ADGRL2: variants seen among roughly 807,000 people sequenced by gnomAD.
ADGRL2 encodes adhesion G protein-coupled receptor L2.
Under a neutral mutation model 157.4 loss-of-function variants are expected in ADGRL2, and 44 were observed. The observed-to-expected ratio is 0.28, with a 90% CI of 0.22 to 0.36. The LOEUF (loss-of-function observed/expected upper bound fraction) is 0.36, where lower values mean the gene tolerates loss of function less well. Ranked by LOEUF, ADGRL2 falls within the 10% of genes least tolerant of loss-of-function variation. The probability of loss-of-function intolerance (pLI) is 1.00; values close to 1 mark genes in which losing one functional copy is unlikely to be tolerated. For missense variants in ADGRL2, 1,510 were observed against 1,768.9 expected, an observed-to-expected ratio of 0.85 and a Z score of 2.63; for synonymous variants, 585 against 624.7, an observed-to-expected ratio of 0.94 and a Z score of 0.95.
At chr1:81,599,178 C>T (rs964770305) in intron 3 of ADGRL2, among the ~76,000 whole-genome samples, 8 of 152,194 alleles carry the variant, frequency 5.3e-5, no homozygotes, top group Non-Finnish European at 1.2e-4. Context: ...ACTTCACTTT[C>T]CCAAGTATGC....
At chr1:81,891,566 A>T (rs1422497444) in intron 2 of ADGRL2, among the ~76,000 whole-genome samples, 1 of 152,146 alleles carries the variant, frequency 6.6e-6, no homozygotes, top group Non-Finnish European at 1.5e-5. Context: ...TTGCCAATTA[A>T]ATTGAGCATT....
At chr1:81,448,281 G>A (rs970953157) in intron 2 of ADGRL2, among the ~76,000 whole-genome samples, 1 of 150,928 alleles carries the variant, frequency 6.6e-6, no homozygotes, top group African/African-American at 2.4e-5. Context: ...GAGTAACTGG[G>A]ATTACAGGTA....
At chr1:81,973,040 C>A (rs185726266) in intron 17 of ADGRL2, among the ~76,000 whole-genome samples, 1 of 151,756 alleles carries the variant, frequency 6.6e-6, no homozygotes, top group Admixed American at 6.6e-5. Flanking sequence ...AAACGTAACA[C>A]AAATGAGCTC....
In ADGRL2 at chr1:81,398,757, AGAAG is replaced by A. The variant is rs766716725; in HGVS notation, c.-301-46278_-301-46275del. On this transcript the variant is annotated intron_variant, in intron 1 of 24. Transcript: ENST00000370721. ...CTCCTGGTCTATAAGACTTCTGCTG[AGAAG>A]TCTGCTGACAGTCTAATGGAGATTT... Among the ~76,000 whole-genome samples the A allele has an allele frequency of 1.8e-3, 270 of 152,332 alleles. 1 individual carries two copies. Among genetic ancestry groups the A allele is most frequent in the Non-Finnish European group, 2.9e-3 (194 of 68,030 alleles).
At chr1:81,863,038 T>C (rs539000793) in intron 2 of ADGRL2, among the ~76,000 whole-genome samples, 2 of 152,198 alleles carry the variant, frequency 1.3e-5, no homozygotes, top group Non-Finnish European at 2.9e-5. Flanking sequence ...GGGAATATTC[T>C]GTATAGACTT....
chr1:81,346,171 A>G (rs1662465866), intron 1 of ADGRL2, among the ~76,000 whole-genome samples: 1 of 152,138 alleles, frequency 6.6e-6, no homozygotes. Flanking sequence ...AAAGAGGTGG[A>G]GACACTCACA....
At chr1:81,564,447 C>T (rs537849700) in intron 2 of ADGRL2, among the ~76,000 whole-genome samples, 81 of 152,210 alleles carry the variant, frequency 5.3e-4, no homozygotes, top group African/African-American at 1.9e-3. Context: ...TTCAGTTCCT[C>T]GTGGGTTGTT....
chr1:81,902,572 C>T (rs2094506658), intron 2 of ADGRL2, among the ~76,000 whole-genome samples: 1 of 152,084 alleles, frequency 6.6e-6, no homozygotes, highest in African/African-American at 2.4e-5. Flanking sequence ...CACTCCTGCA[C>T]TCCAGCCTGG....
intron 2 of ADGRL2, among the ~76,000 whole-genome samples, chr1:81,477,880 G>T: frequency 6.6e-6 from 1 of 152,058 alleles, no homozygotes; most frequent in East Asian, 1.9e-4. Flanking sequence ...AAACATTTTT[G>T]AATGATCCAT....
intron 1 of ADGRL2, among the ~76,000 whole-genome samples, chr1:81,383,338 T>C (rs1032017593): frequency 1.3e-5 from 2 of 152,080 alleles, no homozygotes; most frequent in African/African-American, 4.8e-5. Context: ...CTCACATTGA[T>C]AGATTGAACA....
At chr1:81,656,137 G>T (rs1335841787) in intron 3 of ADGRL2, among the ~76,000 whole-genome samples, 2 of 152,176 alleles carry the variant, frequency 1.3e-5, no homozygotes, top group Non-Finnish European at 2.9e-5. Context: ...TGTGGGAGGA[G>T]AGAGTCTTAT....
chr1:81,363,349 T>TA (rs2076010458), intron 1 of ADGRL2, among the ~76,000 whole-genome samples: 1 of 152,074 alleles, frequency 6.6e-6, no homozygotes, highest in African/African-American at 2.4e-5. Flanking sequence ...GAGTCAATCC[T>TA]ATGGTAATTC....
At chr1:81,540,737 A>C (rs2079863236) in intron 2 of ADGRL2, among the ~76,000 whole-genome samples, 1 of 152,230 alleles carries the variant, frequency 6.6e-6, no homozygotes, top group Non-Finnish European at 1.5e-5. Flanking sequence ...AAAGGTATTA[A>C]GATTTATTCT....
At chr1:81,466,865 A>G (rs1557710677) in intron 2 of ADGRL2, among the ~76,000 whole-genome samples, 1 of 152,184 alleles carries the variant, frequency 6.6e-6, no homozygotes, top group Non-Finnish European at 1.5e-5. Flanking sequence ...CACATAAGTA[A>G]TAGAAATCAA....
intron 2 of ADGRL2, among the ~76,000 whole-genome samples, chr1:81,499,059 A>G (rs2078788780): frequency 6.6e-6 from 1 of 152,246 alleles, no homozygotes; most frequent in South Asian, 2.1e-4. Flanking sequence ...TACCAAAGGC[A>G]CAGGATAATA....
At chr1:81,580,361 C>T (rs901724258) in intron 2 of ADGRL2, among the ~76,000 whole-genome samples, 25 of 151,422 alleles carry the variant, frequency 1.7e-4, no homozygotes, top group African/African-American at 5.8e-4. Flanking sequence ...GTCTCGGGGG[C>T]TGCCTGTGAA....
At chr1:81,767,020 C>G (rs981348428) in intron 2 of ADGRL2, among the ~76,000 whole-genome samples, 1 of 151,918 alleles carries the variant, frequency 6.6e-6, no homozygotes, top group African/African-American at 2.4e-5. Flanking sequence ...CTATCCCTTG[C>G]TTTTCTTTAT....
intron 1 of ADGRL2, among the ~76,000 whole-genome samples, chr1:81,358,912 A>T (rs144223853): frequency 1.3e-5 from 2 of 152,154 alleles, no homozygotes; most frequent in Non-Finnish European, 2.9e-5. Flanking sequence ...AAAGTTCCCT[A>T]AAGAAGTGGT....
intron 1 of ADGRL2, among the ~76,000 whole-genome samples, chr1:81,823,771 T>A (rs1037845668): frequency 1.3e-5 from 2 of 151,790 alleles, no homozygotes; most frequent in African/African-American, 4.8e-5. Context: ...CAGAGGAGAT[T>A]CCAGGCAGAA....
Sources: allele counts gnomAD v4.1 joint callset (sites outside exome capture counted in the v4.1 genomes callset), GRCh38; gene constraint gnomAD v4.1.1; transcripts MANE v1.5; gene names NCBI Gene and HGNC (gene_info 2026-07-23, HGNC 2026-07-21).